PTPRK: variants seen among roughly 807,000 people sequenced by gnomAD.
PTPRK encodes the protein protein tyrosine phosphatase receptor type K.
In PTPRK, 75 loss-of-function variants were observed where a neutral mutation model predicts 178.0. The ratio of observed to expected loss-of-function variants is 0.42; its 90% CI spans 0.35 to 0.51. PTPRK has a LOEUF of 0.51. Among genes scored for constraint, PTPRK ranks in the 20% least tolerant of loss-of-function variants. PTPRK has a pLI of 0.02. For synonymous variants in PTPRK, 637 were observed against 620.6 expected, an observed-to-expected ratio of 1.03 and a Z score of -0.39; for missense variants, 1,441 against 1,797.8, an observed-to-expected ratio of 0.80 and a Z score of 3.59.
Position 128,125,069 on chromosome 6 carries a change from C to T in PTPRK, c.1163-35077G>A, listed in dbSNP as rs143438561. On this transcript the variant is annotated intron_variant, in intron 7 of 29. Coordinates refer to ENST00000368226, the MANE Select transcript of PTPRK (RefSeq NM_002844.4). ...GCTTTCTATAATTAATCCCTTTCTA[C>T]AAATAGACACATTCTATTGTTTCAA... Among the ~76,000 whole-genome samples, 461 of 152,324 alleles carry T rather than the reference C, an allele frequency of 3.0e-3. 1 individual carries two copies. Among genetic ancestry groups the T allele is most frequent in the African/African-American group, 0.011 (450 of 41,578 alleles).
chr6:128,398,115 A>G (rs539628868), intron 1 of PTPRK, among the ~76,000 whole-genome samples: 1 of 152,280 alleles, frequency 6.6e-6, no homozygotes, highest in East Asian at 1.9e-4. Flanking sequence ...TGAAAATGAA[A>G]GTACACTCCA....
chr6:128,457,707 C>T (rs1004305346), intron 1 of PTPRK, among the ~76,000 whole-genome samples: 1 of 152,120 alleles, frequency 6.6e-6, no homozygotes, highest in African/African-American at 2.4e-5. Context: ...CATTCACATA[C>T]AGATAATTTT....
At position 128,425,733 on chromosome 6, in the gene PTPRK, TC is replaced by T. The variant is rs1159486256; in HGVS notation, c.101-28046del. On this transcript the variant is annotated intron_variant, in intron 1 of 29. Transcript: ENST00000368226. ...TCACATACAGTCTCCAGATCATGGCTCATCCACTTATCTGGGAAGCTTTCAT... is the reference window on the plus strand; with the variant it reads ...TCACATACAGTCTCCAGATCATGGCTATCCACTTATCTGGGAAGCTTTCAT... Among the ~76,000 whole-genome samples, 6 of 152,248 alleles carry T rather than the reference TC, an allele frequency of 3.9e-5. No individual in the cohort carries two copies. In the East Asian group the frequency reaches 1.2e-3, roughly 30 times the overall value.
intron 13 of PTPRK, among the ~76,000 whole-genome samples, chr6:128,031,418 T>C (rs1471987861): frequency 6.6e-6 from 1 of 152,242 alleles, no homozygotes; most frequent in Non-Finnish European, 1.5e-5. Context: ...ACAAATTGCA[T>C]GACACTAATG....
Position 128,109,872 on chromosome 6 carries a change from C to T in PTPRK, c.1163-19880G>A, listed in dbSNP as rs533524059. 3.9e-4 allele frequency among the ~76,000 whole-genome samples: 60 copies of T among 152,196 alleles called. 1 individual carries two copies. Among genetic ancestry groups the T allele is most frequent in the African/African-American group, 1.4e-3 (58 of 41,534 alleles). On this transcript the variant is annotated intron_variant, in intron 7 of 29. Coordinates refer to ENST00000368226, the MANE Select transcript of PTPRK (RefSeq NM_002844.4). ...AAAAACAGAGACTTCAATTGATTCT[C>T]TCATAAGTAAAGCAAGTGTATACAC...
intron 1 of PTPRK, among the ~76,000 whole-genome samples, chr6:128,420,272 C>A (rs994219492): frequency 1.1e-4 from 17 of 152,112 alleles, no homozygotes; most frequent in Admixed American, 1.1e-3. Context: ...GGTTAAAATT[C>A]TTGGAATGAT....
intron 3 of PTPRK, among the ~76,000 whole-genome samples, chr6:128,270,077 A>C (rs1430498654): frequency 6.6e-6 from 1 of 152,106 alleles, no homozygotes; most frequent in Non-Finnish European, 1.5e-5. Context: ...TTGGGCTAAG[A>C]TCGTTTCCTG....
chr6:127,992,580 A>C (rs1040853392), intron 19 of PTPRK, 93 bp downstream of exon 19: 75 of 1,058,374 alleles, frequency 7.1e-5, no homozygotes, highest in Non-Finnish European at 9.9e-5. Context: ...TTTTTTTGTT[A>C]CTAAGATAAA....
chr6:128,124,868 A>G (rs1793084179), intron 7 of PTPRK, among the ~76,000 whole-genome samples: 1 of 152,268 alleles, frequency 6.6e-6, no homozygotes, highest in East Asian at 1.9e-4. Context: ...TTCATTTGCA[A>G]CACTGGCTCC....
At chr6:128,402,917 T>G in intron 1 of PTPRK, among the ~76,000 whole-genome samples, 1 of 152,194 alleles carries the variant, frequency 6.6e-6, no homozygotes, top group East Asian at 1.9e-4. Context: ...AATAATCACT[T>G]GAGATCCTGA....
chr6:128,321,751 G>C (rs1440000088), intron 3 of PTPRK: 2 of 689,760 alleles, frequency 2.9e-6, no homozygotes, highest in African/African-American at 3.6e-5. Flanking sequence ...ACAAATTTTG[G>C]ACCTAAACTT....
rs201242439 is a variant in PTPRK at position 128,334,455 on chromosome 6, GA to G, written c.224-12146del. Among the ~76,000 whole-genome samples the G allele has an allele frequency of 1.6e-3, 236 of 152,244 alleles. 1 individual carries two copies. In the East Asian group the frequency reaches 0.021, roughly 14 times the overall value. The stretch of plus-strand genomic sequence containing the variant: ...AGTACTTTTAGTACAAGAAGTACAT[GA>G]AGAACAACTAGACCTTACTGTGACT... On this transcript the variant is annotated intron_variant, in intron 2 of 29. Transcript: ENST00000368226.
intron 14 of PTPRK, among the ~76,000 whole-genome samples, chr6:128,008,354 C>T (rs1204830123): frequency 6.6e-6 from 1 of 150,690 alleles, no homozygotes; most frequent in Non-Finnish European, 1.5e-5. Context: ...AAAGTCCTTC[C>T]AAATTGTAGC....
chr6:127,980,449 G>A (rs1775184623), intron 25 of PTPRK, among the ~76,000 whole-genome samples: 1 of 151,776 alleles, frequency 6.6e-6, no homozygotes, highest in Non-Finnish European at 1.5e-5. Flanking sequence ...CTGAGATCAT[G>A]CCACTGCACT....
At chr6:128,309,866 T>C (rs1404668382) in intron 3 of PTPRK, among the ~76,000 whole-genome samples, 1 of 151,438 alleles carries the variant, frequency 6.6e-6, no homozygotes, top group Non-Finnish European at 1.5e-5. Flanking sequence ...CCCAACAATA[T>C]GATCACAAAA....
intron 3 of PTPRK, among the ~76,000 whole-genome samples, chr6:128,255,585 G>C (rs1407534844): frequency 6.6e-6 from 1 of 152,228 alleles, no homozygotes; most frequent in Non-Finnish European, 1.5e-5. Context: ...TATTTAACCT[G>C]TTTAACCTTT....
At chr6:128,126,114 T>C (rs1793328419) in intron 7 of PTPRK, among the ~76,000 whole-genome samples, 1 of 151,880 alleles carries the variant, frequency 6.6e-6, no homozygotes, top group African/African-American at 2.4e-5. Context: ...GTTTGTTACA[T>C]AGGTATACAT....
chr6:128,467,580 A>G (rs1050294800), intron 1 of PTPRK, among the ~76,000 whole-genome samples: 8 of 152,170 alleles, frequency 5.3e-5, no homozygotes, highest in African/African-American at 1.4e-4. Flanking sequence ...TCTTCTTCAT[A>G]TTTCAGCAAA....
intron 7 of PTPRK, among the ~76,000 whole-genome samples, chr6:128,170,651 C>T (rs1800100556): frequency 6.6e-6 from 1 of 151,944 alleles, no homozygotes; most frequent in Admixed American, 6.6e-5. Flanking sequence ...ACTGTTGTTA[C>T]CTTTCATTTT....
Sources: allele counts gnomAD v4.1 joint callset (sites outside exome capture counted in the v4.1 genomes callset), GRCh38; gene constraint gnomAD v4.1.1; transcripts MANE v1.5; gene names NCBI Gene and HGNC (gene_info 2026-07-23, HGNC 2026-07-21).